Variants in KCNH5 observed in about 807,000 individuals in gnomAD.
KCNH5 encodes the protein voltage-gated delayed rectifier potassium channel KCNH5.
KCNH5 carries 46 observed loss-of-function variants against 96.1 expected under a neutral mutation model. That is an observed-to-expected ratio of 0.48 (90% CI 0.38 to 0.61). The LOEUF (loss-of-function observed/expected upper bound fraction) is 0.61, where lower values mean the gene tolerates loss of function less well. Ranked by LOEUF, KCNH5 falls within the 20% of genes least tolerant of loss-of-function variation. The probability of loss-of-function intolerance (pLI) is 0.00; values close to 1 mark genes in which losing one functional copy is unlikely to be tolerated. For missense variants in KCNH5, 907 were observed against 1,225.8 expected, an observed-to-expected ratio of 0.74 and a Z score of 3.88; for synonymous variants, 439 against 449.8, an observed-to-expected ratio of 0.98 and a Z score of 0.30.
chr14:62,780,915 G>A (rs984970727), intron 9 of KCNH5, among the ~76,000 whole-genome samples: 20 of 152,054 alleles, frequency 1.3e-4, no homozygotes, highest in Non-Finnish European at 2.5e-4. Context: ...CTTCCTAGAG[G>A]CACTCTGTTA....
At chr14:62,855,253 C>T (rs529252323) in intron 7 of KCNH5, among the ~76,000 whole-genome samples, 17 of 152,216 alleles carry the variant, frequency 1.1e-4, no homozygotes, top group African/African-American at 2.9e-4. Flanking sequence ...TTAACACTTA[C>T]GACTATGTAG....
intron 10 of KCNH5, among the ~76,000 whole-genome samples, chr14:62,737,446 T>C (rs10146714): frequency 0.066 from 9,989 of 152,218 alleles, 867 homozygotes; most frequent in African/African-American, 0.2. Context: ...TTACCTGGCA[T>C]AAGTGGCCTT....
intron 4 of KCNH5, among the ~76,000 whole-genome samples, chr14:62,991,570 C>T (rs1890808661): frequency 6.6e-6 from 1 of 151,950 alleles, no homozygotes. Flanking sequence ...TATCAAAATG[C>T]CCTAGAACAT....
At chr14:62,841,082 T>C (rs1313674059) in intron 8 of KCNH5, among the ~76,000 whole-genome samples, 1 of 151,772 alleles carries the variant, frequency 6.6e-6, no homozygotes, top group Admixed American at 6.6e-5. Context: ...AAGACAGGCA[T>C]CTTTTAGTCA....
chr14:62,936,726 C>T lies in KCNH5; in HGVS notation c.1369+13407G>A, dbSNP rs150576167. Among the ~76,000 whole-genome samples, 90 of 150,774 alleles carry T rather than the reference C, an allele frequency of 6.0e-4. 1 individual carries two copies. Among genetic ancestry groups the T allele is most frequent in the African/African-American group, 2.1e-3 (85 of 41,104 alleles). Reference sequence around the variant, plus strand: ...GGCACGGTGGCTCACACCTGTAATCCTAGCACTTTGGGCGGCCAAGGCAGG... The same window carrying T: ...GGCACGGTGGCTCACACCTGTAATCTTAGCACTTTGGGCGGCCAAGGCAGG... On this transcript the variant is annotated intron_variant, in intron 7 of 10. Coordinates refer to ENST00000322893, the MANE Select transcript of KCNH5 (RefSeq NM_139318.5).
At chr14:62,747,232 G>A (rs1885397370) in intron 10 of KCNH5, among the ~76,000 whole-genome samples, 1 of 152,116 alleles carries the variant, frequency 6.6e-6, no homozygotes, top group South Asian at 2.1e-4. Context: ...CTACTCAGGA[G>A]GCCAAGGCAG....
At chr14:62,979,242 T>C (rs868780564) in intron 6 of KCNH5, among the ~76,000 whole-genome samples, 3 of 152,194 alleles carry the variant, frequency 2.0e-5, no homozygotes, top group African/African-American at 7.2e-5. Context: ...TATCATGTGA[T>C]TTGTATTTTC....
intron 8 of KCNH5, among the ~76,000 whole-genome samples, chr14:62,833,509 G>T (rs1008300195): frequency 4.0e-5 from 6 of 151,896 alleles, no homozygotes; most frequent in Non-Finnish European, 7.4e-5. Context: ...TGTATGCCAG[G>T]ACCATACTGT....
intron 7 of KCNH5, among the ~76,000 whole-genome samples, chr14:62,935,918 A>T (rs1459152637): frequency 6.6e-6 from 1 of 152,204 alleles, no homozygotes; most frequent in Non-Finnish European, 1.5e-5. Flanking sequence ...GCCTATCAGG[A>T]GAGCTGCCCT....
chr14:62,719,176 A>C (rs1008381025), intron 10 of KCNH5, among the ~76,000 whole-genome samples: 2 of 152,256 alleles, frequency 1.3e-5, no homozygotes, highest in African/African-American at 4.8e-5. Context: ...GCTAAATTGT[A>C]TACTTAAAAT....
chr14:62,799,998 G>A (rs1566664404), intron 9 of KCNH5, among the ~76,000 whole-genome samples: 1 of 150,742 alleles, frequency 6.6e-6, no homozygotes, highest in Non-Finnish European at 1.5e-5. Context: ...GAGAAGAAGA[G>A]GAAGAAGAGG....
chr14:62,823,898 T>A (rs1293716485), intron 8 of KCNH5, among the ~76,000 whole-genome samples: 2 of 152,068 alleles, frequency 1.3e-5, no homozygotes, highest in Non-Finnish European at 2.9e-5. Flanking sequence ...TCTTATTTGT[T>A]ATTTAAAAAC....
intron 9 of KCNH5, among the ~76,000 whole-genome samples, chr14:62,798,173 C>T (rs1886578518): frequency 6.6e-6 from 1 of 152,128 alleles, no homozygotes; most frequent in African/African-American, 2.4e-5. Context: ...TCCATCCAAA[C>T]CATACATAAA....
At chr14:62,950,067 T>C in intron 7 of KCNH5, 66 bp downstream of exon 7, 2 of 1,386,078 alleles carry the variant, frequency 1.4e-6, no homozygotes, top group Non-Finnish European at 2.0e-6. Flanking sequence ...TTTCATCCTA[T>C]CTGAGATTGT....
chr14:62,979,209 C>T (rs1310481586), intron 6 of KCNH5, among the ~76,000 whole-genome samples: 1 of 151,858 alleles, frequency 6.6e-6, no homozygotes, highest in African/African-American at 2.4e-5. Flanking sequence ...GTGTGCAAAA[C>T]ATAAATACTG....
intron 8 of KCNH5, among the ~76,000 whole-genome samples, chr14:62,818,773 A>G (rs1410419379): frequency 6.6e-6 from 1 of 152,192 alleles, no homozygotes; most frequent in Admixed American, 6.5e-5. Context: ...CCTAATGTCT[A>G]TCAGTCATAT....
chr14:62,986,627 C>T (rs1243839534), intron 5 of KCNH5, among the ~76,000 whole-genome samples: 1 of 152,188 alleles, frequency 6.6e-6, no homozygotes, highest in Admixed American at 6.6e-5. Flanking sequence ...AATTCTCCTG[C>T]ACAGGCTCCC....
chr14:62,925,170 TG>T (rs2140111418), intron 7 of KCNH5, among the ~76,000 whole-genome samples: 1 of 152,076 alleles, frequency 6.6e-6, no homozygotes, highest in East Asian at 1.9e-4. Flanking sequence ...GACCACATTT[TG>T]TTGGTTAACC....
At chr14:62,773,286 G>A (rs971077513) in intron 10 of KCNH5, among the ~76,000 whole-genome samples, 6 of 152,216 alleles carry the variant, frequency 3.9e-5, no homozygotes, top group Middle Eastern at 3.4e-3. Flanking sequence ...TATACAAGAC[G>A]CATCCTTGTT....
Sources: gnomAD v4.1 joint callset for allele counts (sites outside exome capture counted in the v4.1 genomes callset) on GRCh38, gnomAD v4.1.1 for gene constraint, MANE v1.5 for transcripts, NCBI Gene and HGNC (gene_info 2026-07-23, HGNC 2026-07-21) for gene names.